The following GPC5 variants were observed in gnomAD, a reference collection of about 807,000 sequenced individuals.
GPC5 encodes glypican 5.
Under a neutral mutation model 53.9 loss-of-function variants are expected in GPC5, and 47 were observed. The observed-to-expected ratio is 0.87, with a 90% CI of 0.69 to 1.11. The LOEUF (loss-of-function observed/expected upper bound fraction) is 1.11. GPC5 is among the 50% of genes most tolerant of loss of function. GPC5 has a pLI of 0.00. For synonymous variants in GPC5, 286 were observed against 263.3 expected (o/e 1.09, Z -0.84); for missense variants, 748 against 713.1 (o/e 1.05, Z -0.56).
chr13:92,396,051 T>C (rs1875255576), intron 7 of GPC5, among the ~76,000 whole-genome samples: 1 of 124,456 alleles, frequency 8.0e-6, no homozygotes, highest in Non-Finnish European at 1.7e-5. Context: ...AAATATTTCA[T>C]TCTGTTGTTT....
intron 7 of GPC5, among the ~76,000 whole-genome samples, chr13:92,270,351 C>G (rs1169457633): frequency 6.6e-6 from 1 of 152,120 alleles, no homozygotes; most frequent in African/African-American, 2.4e-5. Flanking sequence ...CCATGCCGCT[C>G]TTGTGACAGT....
chr13:92,496,620 AGTCTT>A (rs1217375309), intron 7 of GPC5, among the ~76,000 whole-genome samples: 3 of 152,208 alleles, frequency 2.0e-5, no homozygotes, highest in Non-Finnish European at 2.9e-5. Context: ...CAGCCATACT[AGTCTT>A]GGGTGTGGAT....
intron 3 of GPC5, among the ~76,000 whole-genome samples, chr13:91,707,546 G>T (rs1305642616): frequency 6.6e-6 from 1 of 152,098 alleles, no homozygotes; most frequent in Non-Finnish European, 1.5e-5. Context: ...ACATAAGCCT[G>T]GGACATCCAG....
rs1879553866 is a variant in GPC5, at chr13:92,486,344, T to A, written c.1561+341355T>A. On this transcript the variant is annotated intron_variant, in intron 7 of 7. Coordinates refer to ENST00000377067, the MANE Select transcript of GPC5 (RefSeq NM_004466.6). ...CTCCTATCCTCAGATCAAGCTTTTATCTGTTGGCATCATTGTCATTATAAT... is the reference window on the plus strand; with the variant it reads ...CTCCTATCCTCAGATCAAGCTTTTAACTGTTGGCATCATTGTCATTATAAT... Among the ~76,000 whole-genome samples the A allele has an allele frequency of 3.3e-5, 5 of 152,228 alleles. No individual in the cohort carries two copies. The South Asian group carries it at 1.0e-3, about 31-fold the overall frequency.
In GPC5 at chr13:92,381,917, TAATC is replaced by T. The variant is rs1195005432; in HGVS notation, c.1561+236930_1561+236933del. Among the ~76,000 whole-genome samples, 143 of 117,936 alleles carry T rather than the reference TAATC, an allele frequency of 1.2e-3. 3 individuals carry two copies. The highest frequency in any genetic ancestry group is 1.7e-3 in the Non-Finnish European group (108 of 61,892). 77.4% of individuals were successfully genotyped at this position (117,936 alleles called of 152,430 possible). On this transcript the variant is annotated intron_variant, in intron 7 of 7. Coordinates refer to ENST00000377067, the MANE Select transcript of GPC5 (RefSeq NM_004466.6). Reference sequence around the variant, plus strand: ...TATATAATCATATATATGATATATATAATCATATATATGATTATATATGAAATAA... The same window carrying T: ...TATATAATCATATATATGATATATATATATATATGATTATATATGAAATAA...
intron 5 of GPC5, among the ~76,000 whole-genome samples, chr13:91,791,735 G>T (rs1403509466): frequency 1.3e-5 from 2 of 151,674 alleles, no homozygotes; most frequent in East Asian, 3.9e-4. Flanking sequence ...AACAGGAGAG[G>T]TCCAGCATCC....
At chr13:92,854,138 T>G (rs1196782468) in intron 7 of GPC5, among the ~76,000 whole-genome samples, 7 of 150,978 alleles carry the variant, frequency 4.6e-5, no homozygotes. Context: ...CTAAATATCT[T>G]ATGTGAGCTT....
At chr13:91,641,695 T>G (rs1320607326) in intron 2 of GPC5, among the ~76,000 whole-genome samples, 1 of 152,214 alleles carries the variant, frequency 6.6e-6, no homozygotes, top group Non-Finnish European at 1.5e-5. Context: ...ATCAACACTA[T>G]TCACCCAGTA....
chr13:92,683,209 A>C (rs1017476927), intron 7 of GPC5, among the ~76,000 whole-genome samples: 1 of 152,214 alleles, frequency 6.6e-6, no homozygotes, highest in Non-Finnish European at 1.5e-5. Context: ...AAAAGAAAAA[A>C]TGATTTAGAA....
At chr13:92,381,950 C>CTATGTATG (rs77694311) in intron 7 of GPC5, among the ~76,000 whole-genome samples, 1,501 of 102,342 alleles carry the variant, frequency 0.015, 20 homozygotes, top group Middle Eastern at 0.074. Flanking sequence ...GAAATAATAT[C>CTATGTATG]TATGTATGTA....
chr13:92,506,847 A>C (rs188058793), intron 7 of GPC5, among the ~76,000 whole-genome samples: 4 of 152,322 alleles, frequency 2.6e-5, no homozygotes, highest in Non-Finnish European at 4.4e-5. Flanking sequence ...AAACAAATGA[A>C]AAATTGTGTT....
intron 7 of GPC5, among the ~76,000 whole-genome samples, chr13:92,840,096 T>TATATACATATATATATATATATATAC (rs1878383230): frequency 3.0e-5 from 2 of 66,710 alleles, no homozygotes; most frequent in African/African-American, 1.1e-4. Context: ...TATATATATA[T>TATATACATATATATATATATATATAC]ATATATATAT....
At chr13:91,866,387 G>A (rs2039085309) in intron 5 of GPC5, among the ~76,000 whole-genome samples, 2 of 152,250 alleles carry the variant, frequency 1.3e-5, no homozygotes, top group Middle Eastern at 3.4e-3. Flanking sequence ...CAGTGTTGGA[G>A]GTGGGCTTAG....
At chr13:92,537,313 A>G (rs1406747603) in intron 7 of GPC5, among the ~76,000 whole-genome samples, 1 of 152,190 alleles carries the variant, frequency 6.6e-6, no homozygotes, top group Non-Finnish European at 1.5e-5. Flanking sequence ...TCCTAAGAAC[A>G]ACTTTTTATC....
rs560320687 is a variant in GPC5, at chr13:91,671,420, G to A, written c.326-21767G>A. Among the ~76,000 whole-genome samples, 49 of 152,086 alleles carry A rather than the reference G, an allele frequency of 3.2e-4. 1 individual carries two copies. Among genetic ancestry groups the A allele is most frequent in the African/African-American group, 1.1e-3 (44 of 41,498 alleles). ...GGAATGCTTGTGATTTTTGCACGTC[G>A]ATTTTGTATCCTGAGACTTTGCTGA... On this transcript the variant is annotated intron_variant, in intron 2 of 7. Coordinates refer to ENST00000377067, the MANE Select transcript of GPC5 (RefSeq NM_004466.6).
At chr13:92,550,188 A>G (rs1882265100) in intron 7 of GPC5, among the ~76,000 whole-genome samples, 1 of 151,842 alleles carries the variant, frequency 6.6e-6, no homozygotes, top group Non-Finnish European at 1.5e-5. Flanking sequence ...ATTTGATTCC[A>G]ATAATAGAAC....
intron 6 of GPC5, among the ~76,000 whole-genome samples, chr13:92,110,798 G>C (rs925643397): frequency 6.6e-6 from 1 of 152,170 alleles, no homozygotes; most frequent in African/African-American, 2.4e-5. Flanking sequence ...AATAAGGAGA[G>C]GAAAGTTTCT....
At chr13:92,676,571 G>T (rs1886945807) in intron 7 of GPC5, among the ~76,000 whole-genome samples, 1 of 152,074 alleles carries the variant, frequency 6.6e-6, no homozygotes, top group Non-Finnish European at 1.5e-5. Context: ...GCAAACCTCA[G>T]GTTCAGTCAC....
chr13:91,791,236 C>T (rs997860696), intron 5 of GPC5, among the ~76,000 whole-genome samples: 22 of 152,146 alleles, frequency 1.4e-4, no homozygotes, highest in Non-Finnish European at 1.9e-4. Context: ...AAGGGCCCAT[C>T]TGAGGAACCT....
Sources: gnomAD v4.1 joint callset for allele counts (sites outside exome capture counted in the v4.1 genomes callset) on GRCh38, gnomAD v4.1.1 for gene constraint, MANE v1.5 for transcripts, NCBI Gene and HGNC (gene_info 2026-07-23, HGNC 2026-07-21) for gene names.